Variants in PLCH1 observed in about 807,000 individuals in gnomAD.
The protein encoded by PLCH1 is 1-phosphatidylinositol 4,5-bisphosphate phosphodiesterase eta-1.
PLCH1 carries 60 observed loss-of-function variants against 126.7 expected under a neutral mutation model. That is an observed-to-expected ratio of 0.47 (90% CI 0.38 to 0.59). The LOEUF is 0.59. Among genes scored for constraint, PLCH1 ranks in the 20% least tolerant of loss-of-function variants. The pLI is 0.00. For synonymous variants in PLCH1, 719 were observed against 734.9 expected, an observed-to-expected ratio of 0.98 and a Z score of 0.35; for missense variants, 1,723 against 2,040.0, an observed-to-expected ratio of 0.84 and a Z score of 2.99.
chr3:155,743,610 A>G (rs1336560679), intron 1 of PLCH1: 1 of 436,242 alleles, frequency 2.3e-6, no homozygotes, highest in Admixed American at 2.8e-5. Context: ...CATTCTCTGC[A>G]GAAGACTTTA....
At chr3:155,528,866 G>A (rs748491735) in intron 10 of PLCH1, among the ~76,000 whole-genome samples, 1 of 152,168 alleles carries the variant, frequency 6.6e-6, no homozygotes, top group Non-Finnish European at 1.5e-5. Flanking sequence ...GTATTCATAA[G>A]ACAGGTTAAT....
intron 10 of PLCH1, among the ~76,000 whole-genome samples, chr3:155,540,709 C>A (rs1309909621): frequency 1.3e-5 from 2 of 152,048 alleles, no homozygotes; most frequent in African/African-American, 4.8e-5. Flanking sequence ...CTTACTCCTG[C>A]AAGAATGGCC....
intron 2 of PLCH1, among the ~76,000 whole-genome samples, chr3:155,611,410 A>C (rs1735078046): frequency 6.6e-6 from 1 of 152,164 alleles, no homozygotes; most frequent in Admixed American, 6.5e-5. Context: ...ATAAATACAA[A>C]TAAAAAAACA....
chr3:155,497,930 G>T (rs972237103), intron 14 of PLCH1, among the ~76,000 whole-genome samples: 1 of 152,090 alleles, frequency 6.6e-6, no homozygotes, highest in Non-Finnish European at 1.5e-5. Context: ...GGCCAGGCTG[G>T]TCTCAAACTC....
intron 12 of PLCH1, 42 bp downstream of exon 12, chr3:155,514,681 T>C: frequency 7.7e-7 from 1 of 1,291,236 alleles, no homozygotes; most frequent in Non-Finnish European, 1.0e-6. Flanking sequence ...GAGATGCTTT[T>C]TTTTTCCTGT....
intron 4 of PLCH1, among the ~76,000 whole-genome samples, chr3:155,592,590 C>T (rs772074201): frequency 6.6e-6 from 1 of 152,028 alleles, no homozygotes; most frequent in Non-Finnish European, 1.5e-5. Flanking sequence ...TTCTCTCTGA[C>T]CAAAGGGCAG....
intron 21 of PLCH1, among the ~76,000 whole-genome samples, chr3:155,460,787 AAGATAGATAGATAGATAGATAGATAGAT>A (rs142518324): frequency 4.6e-4 from 68 of 146,482 alleles, no homozygotes; most frequent in African/African-American, 1.6e-3. Flanking sequence ...ATAGATATAG[AAGATAGATAGATAGATAGATAGATAGAT>A]AGATAGATAG....
At position 155,469,880 on chromosome 3, in the gene PLCH1, G is replaced by A. The variant is rs1028381241; in HGVS notation, c.2938+15476C>T. Among the ~76,000 whole-genome samples the A allele has an allele frequency of 3.0e-3, 457 of 152,150 alleles. 2 individuals carry two copies. Among genetic ancestry groups the A allele is most frequent in the African/African-American group, 9.7e-3 (403 of 41,530 alleles). Reference sequence around the variant, plus strand: ...AGCTGAGGGTCCTGTCTGTTAGAAGGAAAACTAACAAACAGAAAGGACATC... The same window carrying A: ...AGCTGAGGGTCCTGTCTGTTAGAAGAAAAACTAACAAACAGAAAGGACATC... On this transcript the variant is annotated intron_variant, in intron 21 of 21. Coordinates refer to the PLCH1 transcript ENST00000494598.
intron 16 of PLCH1, 22 bp downstream of exon 16, chr3:155,494,316 C>T (rs767613440): frequency 5.6e-6 from 9 of 1,613,398 alleles, no homozygotes; most frequent in Middle Eastern, 1.6e-4. Context: ...CAGAGAACCA[C>T]TCCTTCCCAA....
rs143152179 is a variant in PLCH1 at position 155,608,127 on chromosome 3, T to G, written c.80-11749A>C. ...TAGGGAGCCAAGTGAAATATTAAAG[T>G]AGAAGAAGCAGCAGGAACAGCCCTG... On this transcript the variant is annotated intron_variant, in intron 2 of 22. Coordinates refer to ENST00000460012, the MANE Select transcript of PLCH1 (RefSeq NM_014996.4). Among the ~76,000 whole-genome samples, 774 of 152,188 alleles carry G rather than the reference T, an allele frequency of 5.1e-3. 8 individuals are homozygous for G. Among genetic ancestry groups the G allele is most frequent in the African/African-American group, 0.018 (738 of 41,518 alleles).
intron 10 of PLCH1, among the ~76,000 whole-genome samples, chr3:155,546,242 T>C (rs1008324984): frequency 7.2e-5 from 11 of 151,960 alleles, no homozygotes; most frequent in South Asian, 2.1e-4. Flanking sequence ...TATACACCAA[T>C]AACAGACAAA....
intron 2 of PLCH1, among the ~76,000 whole-genome samples, chr3:155,610,975 T>C (rs1413200516): frequency 1.3e-5 from 2 of 152,208 alleles, no homozygotes; most frequent in Non-Finnish European, 2.9e-5. Flanking sequence ...GAGACTTACT[T>C]AACACATAAG....
At chr3:155,702,859 T>C (rs1359701407) in intron 2 of PLCH1, among the ~76,000 whole-genome samples, 1 of 152,184 alleles carries the variant, frequency 6.6e-6, no homozygotes, top group Non-Finnish European at 1.5e-5. Context: ...GATAAAGCAA[T>C]GAACAGGACC....
intron 2 of PLCH1, among the ~76,000 whole-genome samples, chr3:155,625,960 A>G (rs1012134282): frequency 8.5e-5 from 13 of 152,240 alleles, no homozygotes; most frequent in African/African-American, 3.1e-4. Flanking sequence ...CACAATAGCA[A>G]AGACTTGGAA....
At chr3:155,517,782 C>T (rs1397897400) in intron 11 of PLCH1, among the ~76,000 whole-genome samples, 1 of 152,084 alleles carries the variant, frequency 6.6e-6, no homozygotes, top group Non-Finnish European at 1.5e-5. Context: ...ACAAATGAAC[C>T]CACTGTAATG....
At chr3:155,458,437 G>GAAA (rs1712537337) in intron 21 of PLCH1, among the ~76,000 whole-genome samples, 2 of 73,660 alleles carry the variant, frequency 2.7e-5, no homozygotes, top group African/African-American at 1.0e-4. Flanking sequence ...AAGGAAGGAA[G>GAAA]GAAGGAAGGA....
At chr3:155,704,522 G>A (rs1350847359) in intron 1 of PLCH1, among the ~76,000 whole-genome samples, 1 of 152,102 alleles carries the variant, frequency 6.6e-6, no homozygotes, top group Non-Finnish European at 1.5e-5. Context: ...CATCTCCAGG[G>A]GAAATAAACC....
chr3:155,670,147 A>C (rs1373599880), intron 2 of PLCH1, among the ~76,000 whole-genome samples: 1 of 152,208 alleles, frequency 6.6e-6, no homozygotes, highest in Non-Finnish European at 1.5e-5. Flanking sequence ...AAATAAAACA[A>C]AGAAAAAAGA....
rs1393056771 is a variant in PLCH1 at position 155,704,010 on chromosome 3, T to C, written c.79+136A>G. 1.2e-5 allele frequency: 5 copies of C among 406,504 alleles called. No individual in the cohort carries two copies. The South Asian group carries it at 5.4e-4, about 44-fold the overall frequency. The allele number at this position is 406,504 out of a possible 1,614,324, so 25.2% of individuals were successfully genotyped here. A position where few individuals can be genotyped will look rare whatever the true frequency, so the allele number is the denominator to read the frequency against. On this transcript the variant is annotated intron_variant, in intron 2 of 22. Coordinates refer to ENST00000460012, the MANE Select transcript of PLCH1 (RefSeq NM_014996.4). ...AGTGCAATGGGACTTCTTGGGTAAT[T>C]ATTCATAAACAAGTTAACTCAAGCT...
Sources: gnomAD v4.1 joint callset for allele counts (sites outside exome capture counted in the v4.1 genomes callset) on GRCh38, gnomAD v4.1.1 for gene constraint, MANE v1.5 for transcripts, NCBI Gene and HGNC (gene_info 2026-07-23, HGNC 2026-07-21) for gene names.